Variants in LNPK observed in about 807,000 individuals in gnomAD.
LNPK encodes lunapark, ER junction formation factor.
In LNPK, 29 loss-of-function variants were observed where a neutral mutation model predicts 55.2. The observed-to-expected ratio is 0.53, with a 90% CI of 0.39 to 0.72. The LOEUF (loss-of-function observed/expected upper bound fraction) is 0.72, where lower values mean the gene tolerates loss of function less well. Among genes scored for constraint, LNPK ranks in the 30% least tolerant of loss-of-function variants. LNPK has a pLI of 0.00. For missense variants in LNPK, 467 were observed against 494.8 expected (o/e 0.94, Z 0.53); for synonymous variants, 162 against 168.2 (o/e 0.96, Z 0.29).
chr2:175,937,422 G>C lies in LNPK; in HGVS notation c.976C>G (p.Gln326Glu). Residue 326 changes from glutamine to glutamate, a missense_variant, in exon 12 of 13, where the codon CAG becomes GAG. Coordinates refer to ENST00000272748, the MANE Select transcript of LNPK (RefSeq NM_030650.3). ...RLPEFSFEKR[Q>E]VVEGSSSVGP... ...ACTGAACTTGAACCTTCCACCACCT[G>C]CCTCTTCTCAAAACTAAACTCAGGA... 6.2e-7 allele frequency: 1 copy of C among 1,613,736 alleles called. No individual in the cohort carries two copies. The highest frequency in any genetic ancestry group is 8.5e-7 in the Non-Finnish European group (1 of 1,179,748).
chr2:175,950,985 C>T (rs944146406), intron 8 of LNPK, among the ~76,000 whole-genome samples: 2 of 152,062 alleles, frequency 1.3e-5, no homozygotes, highest in Non-Finnish European at 2.9e-5. Flanking sequence ...AAGTCATTTA[C>T]ATGTATAAAT....
rs770530285 is a variant in LNPK at position 175,926,422 on chromosome 2, A to G, written c.*3545T>C. On this transcript the variant is annotated 3_prime_UTR_variant, in exon 13 of 13. Coordinates refer to ENST00000272748, the MANE Select transcript of LNPK (RefSeq NM_030650.3). ...CTTCTGGCATGGGATGACAAAGCAC[A>G]AAGGCCCTCACCAGATGCTAGCATC... is the stretch of plus-strand genomic sequence containing the variant. 7 of 152,246 alleles carry G rather than the reference A, an allele frequency of 4.6e-5. No homozygotes were observed. Among genetic ancestry groups the G allele is most frequent in the Non-Finnish European group, 1.0e-4 (7 of 68,074 alleles). 9.4% of individuals were successfully genotyped at this position (152,246 alleles called of 1,614,324 possible). A position where few individuals can be genotyped will look rare whatever the true frequency, so the allele number is the denominator to read the frequency against.
chr2:175,955,873 A>T (rs1263493235), intron 8 of LNPK, among the ~76,000 whole-genome samples: 1 of 152,236 alleles, frequency 6.6e-6, no homozygotes, highest in Non-Finnish European at 1.5e-5. Flanking sequence ...GTGGCAAGAT[A>T]CAATTGACTT....
At chr2:175,984,427 G>A (rs1465946250) in intron 4 of LNPK, among the ~76,000 whole-genome samples, 4 of 152,030 alleles carry the variant, frequency 2.6e-5, no homozygotes, top group African/African-American at 9.7e-5. Flanking sequence ...GCCCGCCTCA[G>A]TCTCCCAAAG....
intron 4 of LNPK, among the ~76,000 whole-genome samples, chr2:175,987,498 A>G (rs1053438925): frequency 1.3e-5 from 2 of 152,054 alleles, no homozygotes; most frequent in African/African-American, 2.4e-5. Context: ...ACAGGAAGGG[A>G]AACATCACAC....
At chr2:175,977,844 T>G (rs1431035423) in intron 5 of LNPK, among the ~76,000 whole-genome samples, 1 of 152,128 alleles carries the variant, frequency 6.6e-6, no homozygotes, top group Non-Finnish European at 1.5e-5. Flanking sequence ...AGGAGAGGTT[T>G]TTTCCCCACA....
chr2:175,965,102 A>C (rs1203545658), intron 6 of LNPK, among the ~76,000 whole-genome samples: 1 of 152,350 alleles, frequency 6.6e-6, no homozygotes, highest in Non-Finnish European at 1.5e-5. Flanking sequence ...AAACTCACTA[A>C]CTGGGAGAAC....
chr2:175,935,763 A>G, intron 12 of LNPK: 1 of 975,324 alleles, frequency 1.0e-6, no homozygotes, highest in Non-Finnish European at 1.2e-6. Flanking sequence ...TTCAGACAGA[A>G]AATGAGACGT....
At chr2:175,981,785 A>G (rs1687186718) in intron 4 of LNPK, among the ~76,000 whole-genome samples, 1 of 152,144 alleles carries the variant, frequency 6.6e-6, no homozygotes, top group Non-Finnish European at 1.5e-5. Flanking sequence ...GCCCCTACCA[A>G]CAGCTTAACT....
chr2:175,989,515 TAAGCATTAGTTA>T (rs1012078778), intron 4 of LNPK, among the ~76,000 whole-genome samples: 2 of 152,188 alleles, frequency 1.3e-5, no homozygotes, highest in African/African-American at 4.8e-5. Context: ...CATAGTTAAC[TAAGCATTAGTTA>T]AAGCATTAGT....
intron 9 of LNPK, among the ~76,000 whole-genome samples, chr2:175,944,246 C>T (rs1171424833): frequency 2.0e-5 from 3 of 151,884 alleles, no homozygotes; most frequent in Non-Finnish European, 4.4e-5. Flanking sequence ...CCAAACACTA[C>T]AAAACATTGC....
chr2:175,966,085 G>C (rs1686327238), intron 6 of LNPK, among the ~76,000 whole-genome samples: 1 of 152,028 alleles, frequency 6.6e-6, no homozygotes, highest in Non-Finnish European at 1.5e-5. Flanking sequence ...ATTTTGTTTT[G>C]TTTTAGATGG....
chr2:176,001,924 G>A (rs1025728356), intron 1 of LNPK, among the ~76,000 whole-genome samples: 7 of 152,344 alleles, frequency 4.6e-5, no homozygotes, highest in Admixed American at 3.9e-4. Flanking sequence ...CAAGACTCCA[G>A]CGCCACCACT....
intron 9 of LNPK, 190 bp from the exon 10 acceptor site, chr2:175,939,847 T>C: frequency 2.2e-6 from 1 of 459,800 alleles, no homozygotes; most frequent in Non-Finnish European, 3.8e-6. Context: ...ACAAAATATA[T>C]TTAAATATGT....
At chr2:175,938,940 T>C (rs1482390431) in intron 10 of LNPK, 1 of 152,184 alleles carries the variant, frequency 6.6e-6, no homozygotes. Context: ...ATATACTCAA[T>C]GAATACTTCG....
chr2:175,935,849 A>T (rs1321187318), intron 12 of LNPK: 1 of 285,844 alleles, frequency 3.5e-6, no homozygotes, highest in Non-Finnish European at 5.2e-6. Flanking sequence ...ATCTATCTTG[A>T]CCTTAGCAGA....
At chr2:175,948,250 G>C (rs1017943817) in intron 8 of LNPK, among the ~76,000 whole-genome samples, 2 of 152,092 alleles carry the variant, frequency 1.3e-5, no homozygotes, top group African/African-American at 2.4e-5. Flanking sequence ...ACATTCAACA[G>C]ATCTACTCCA....
intron 8 of LNPK, among the ~76,000 whole-genome samples, chr2:175,957,579 T>C (rs189117861): frequency 4.1e-4 from 63 of 152,068 alleles, no homozygotes; most frequent in African/African-American, 1.2e-3. Flanking sequence ...ATGGATACTA[T>C]TGCAGATCAT....
At chr2:175,932,245 A>C (rs776090546) in intron 12 of LNPK, 50 of 447,210 alleles carry the variant, frequency 1.1e-4, no homozygotes, top group Non-Finnish European at 2.2e-4. Context: ...AGACTTTACT[A>C]GTCAAAGCCG....
Sources: allele counts gnomAD v4.1 joint callset (sites outside exome capture counted in the v4.1 genomes callset), GRCh38; gene constraint gnomAD v4.1.1; transcripts MANE v1.5; gene names NCBI Gene and HGNC (gene_info 2026-07-23, HGNC 2026-07-21).